The following CFAP74 variants were observed in gnomAD, a reference collection of about 807,000 sequenced individuals.
CFAP74 encodes the protein cilia and flagella associated protein 74.
In CFAP74, 124 loss-of-function variants were observed where a neutral mutation model predicts 188.9. The observed-to-expected ratio is 0.66, with a 90% CI of 0.57 to 0.76. The LOEUF is 0.76. Among genes scored for constraint, CFAP74 ranks in the 30% least tolerant of loss-of-function variants. The pLI, the probability that CFAP74 is intolerant of heterozygous loss-of-function variation, is 0.00. For synonymous variants in CFAP74, 956 were observed against 916.7 expected (o/e 1.04, Z -0.77); for missense variants, 2,198 against 2,165.2 (o/e 1.02, Z -0.30).
At chr1:1,937,346 G>A (rs1160915528) in intron 25 of CFAP74, among the ~76,000 whole-genome samples, 1 of 152,170 alleles carries the variant, frequency 6.6e-6, no homozygotes, top group African/African-American at 2.4e-5. Flanking sequence ...CTGACACCAC[G>A]GGACAGCATC....
chr1:2,000,604 C>T (rs545885312), intron 1 of CFAP74, among the ~76,000 whole-genome samples: 3 of 152,316 alleles, frequency 2.0e-5, no homozygotes, highest in South Asian at 4.1e-4. Flanking sequence ...TCTGAAGGCA[C>T]GAGGGAAGGG....
At chr1:1,925,600 C>A (rs570605324) in intron 33 of CFAP74, among the ~76,000 whole-genome samples, 183 bp downstream of exon 33, 3 of 152,244 alleles carry the variant, frequency 2.0e-5, no homozygotes, top group African/African-American at 7.2e-5. Context: ...AAACAGGCCC[C>A]GGGTTCCCTG....
chr1:1,969,513 C>T (rs1394851373), intron 10 of CFAP74, among the ~76,000 whole-genome samples: 1 of 152,084 alleles, frequency 6.6e-6, no homozygotes, highest in Non-Finnish European at 1.5e-5. Context: ...CCCAGTCCCC[C>T]AGCAGCCTTG....
intron 15 of CFAP74, among the ~76,000 whole-genome samples, chr1:1,959,510 C>T (rs1654915485): frequency 2.6e-5 from 4 of 152,236 alleles, no homozygotes; most frequent in African/African-American, 9.6e-5. Flanking sequence ...AAGCGACCCT[C>T]CTGCCTTGGC....
chr1:1,992,364 CTT>C (rs1205652797), intron 1 of CFAP74, among the ~76,000 whole-genome samples: 1 of 152,114 alleles, frequency 6.6e-6, no homozygotes, highest in East Asian at 1.9e-4. Flanking sequence ...GTGGGTCTCT[CTT>C]TGTTGCCCAG....
intron 21 of CFAP74, among the ~76,000 whole-genome samples, 200 bp downstream of exon 21, chr1:1,944,131 C>A (rs556185669): frequency 6.6e-6 from 1 of 152,226 alleles, no homozygotes; most frequent in Non-Finnish European, 1.5e-5. Flanking sequence ...GGACAGCAGC[C>A]GTGGCAGCCC....
rs746773079 is a variant in CFAP74 at position 1,963,702 on chromosome 1, C to T, written c.1694+47G>A. On this transcript the variant is annotated intron_variant, in intron 14 of 38. Coordinates refer to ENST00000682832, the MANE Select transcript of CFAP74 (RefSeq NM_001304360.2). The stretch of plus-strand genomic sequence containing the variant: ...GAACATGAAGGGACCTATGAACCTC[C>T]TGCTGTCCCTGCACCGCGTCCCTCC... The T allele has an allele frequency of 4.0e-6, 5 of 1,249,328 alleles. No individual in the cohort carries two copies. The Admixed American group carries it at 8.9e-5, about 22-fold the overall frequency. 77.4% of individuals were successfully genotyped at this position (1,249,328 alleles called of 1,614,324 possible).
intron 15 of CFAP74, 25 bp from the exon 16 acceptor site, chr1:1,959,234 A>C: frequency 2.4e-5 from 33 of 1,398,952 alleles, no homozygotes; most frequent in Non-Finnish European, 3.1e-5. Context: ...AACCCCCACC[A>C]CAATACACTT....
intron 6 of CFAP74, among the ~76,000 whole-genome samples, chr1:1,982,635 C>T (rs564124093): frequency 6.6e-6 from 1 of 152,354 alleles, no homozygotes; most frequent in East Asian, 1.9e-4. Flanking sequence ...GCAAATTAGA[C>T]CCAGATAAAG....
chr1:1,948,869 C>T (rs1653967041), intron 18 of CFAP74, among the ~76,000 whole-genome samples: 1 of 134,016 alleles, frequency 7.5e-6, no homozygotes, highest in Non-Finnish European at 1.6e-5. Flanking sequence ...TGCAAGATTG[C>T]TGCAATTCCT....
intron 18 of CFAP74, chr1:1,953,295 GCTT>G (rs1654314525): frequency 7.1e-6 from 1 of 141,190 alleles, no homozygotes; most frequent in Non-Finnish European, 1.5e-5. Flanking sequence ...CAATTGACTT[GCTT>G]TTTTTTTTTT....
At chr1:1,927,912 G>C in intron 27 of CFAP74, 166 bp from the exon 28 acceptor site, 1 of 681,150 alleles carries the variant, frequency 1.5e-6, no homozygotes, top group Admixed American at 2.9e-5. Context: ...TAGCCAGTGC[G>C]GAGGGGCACA....
At chr1:1,930,745 T>C (rs974518491) in intron 25 of CFAP74, among the ~76,000 whole-genome samples, 8 of 152,156 alleles carry the variant, frequency 5.3e-5, no homozygotes, top group African/African-American at 1.9e-4. Flanking sequence ...ATCACAAGTT[T>C]AGATAGTTGC....
rs1439100784 is a variant in CFAP74, at chr1:1,942,923, A to G, written c.2487-767T>C. Among the ~76,000 whole-genome samples the G allele has an allele frequency of 6.6e-6, 1 of 152,166 alleles. No individual in the cohort carries two copies. The highest frequency in any genetic ancestry group is 1.5e-5 in the Non-Finnish European group (1 of 68,014). ...ATGCGACAGTCACCCATGCTGTGGC[A>G]GCCTCATCTCCGTCCATCACAGACC... On this transcript the variant is annotated intron_variant, in intron 21 of 38. Transcript: ENST00000682832. This position sits in a 1 kb window ranked among gnomAD's most constrained non-coding sequence, Gnocchi z 4.3.
intron 6 of CFAP74, among the ~76,000 whole-genome samples, chr1:1,980,444 C>T (rs1441107501): frequency 6.9e-6 from 1 of 144,800 alleles, no homozygotes; most frequent in Non-Finnish European, 1.5e-5. Flanking sequence ...GTGGGGAGGA[C>T]GGGTGAACGA....
intron 1 of CFAP74, among the ~76,000 whole-genome samples, chr1:1,999,186 A>C (rs375675268): frequency 5.9e-5 from 9 of 152,356 alleles, no homozygotes; most frequent in African/African-American, 1.9e-4. Context: ...TGTAAAACTA[A>C]GACAGTAGAG....
intron 25 of CFAP74, among the ~76,000 whole-genome samples, chr1:1,936,447 G>C (rs1484072327): frequency 6.6e-6 from 1 of 152,034 alleles, no homozygotes; most frequent in African/African-American, 2.4e-5. Context: ...GGGAGGCTGA[G>C]GCAGGAGAAT....
At chr1:1,993,244 TTTAC>T (rs1657702467) in intron 1 of CFAP74, among the ~76,000 whole-genome samples, 2 of 151,666 alleles carry the variant, frequency 1.3e-5, no homozygotes, top group South Asian at 4.2e-4. Context: ...TCACAAACTC[TTTAC>T]TTATTTTTTT....
rs567870013 is a variant in CFAP74 at position 1,938,924 on chromosome 1, C to G, written c.2942G>C (p.Cys981Ser). The change falls in exon 25 of 39, where the codon TGT (cysteine) becomes TCT (serine). Residue 981 changes from cysteine to serine, a missense_variant. Coordinates refer to ENST00000682832, the MANE Select transcript of CFAP74 (RefSeq NM_001304360.2). ...GGCCTTGGTGGGCTGGAAGATCACA[C>G]AGAACTGCAGCGTTTCCAGGGGCAG... ...TILPLETLQF[C>S]VIFQPTKAEE... is the part of the protein sequence containing the mutation. 19 of 1,536,058 alleles carry G rather than the reference C, an allele frequency of 1.2e-5. No homozygotes were observed. The highest frequency in any genetic ancestry group is 1.6e-5 in the Non-Finnish European group (18 of 1,146,924).
Sources: allele counts gnomAD v4.1 joint callset (sites outside exome capture counted in the v4.1 genomes callset), GRCh38; gene constraint gnomAD v4.1.1; non-coding constraint Gnocchi (gnomAD v3.1); transcripts MANE v1.5; gene names NCBI Gene and HGNC (gene_info 2026-07-23, HGNC 2026-07-21).